Variants in FAT3 observed in about 807,000 individuals in gnomAD.
The protein encoded by FAT3 is FAT atypical cadherin 3.
A neutral mutation model predicts 310.2 loss-of-function variants in FAT3; 95 were observed. The ratio of observed to expected loss-of-function variants is 0.31; its 90% CI spans 0.26 to 0.36. The LOEUF is 0.36. FAT3 is among the 10% of genes least tolerant of loss of function. The probability of loss-of-function intolerance (pLI) is 1.00; values close to 1 mark genes in which losing one functional copy is unlikely to be tolerated. For synonymous variants in FAT3, 2,314 were observed against 2,192.9 expected, an observed-to-expected ratio of 1.06 and a Z score of -1.54; for missense variants, 5,408 against 5,715.6, an observed-to-expected ratio of 0.95 and a Z score of 1.74.
At chr11:92,366,262 A>G (rs1284663510) in intron 2 of FAT3, among the ~76,000 whole-genome samples, 1 of 152,344 alleles carries the variant, frequency 6.6e-6, no homozygotes, top group Middle Eastern at 3.4e-3. Flanking sequence ...GCTTTTTCTC[A>G]GCTTGGACTG....
chr11:92,245,480 T>A (rs1281468808), intron 1 of FAT3, among the ~76,000 whole-genome samples: 1 of 152,014 alleles, frequency 6.6e-6, no homozygotes, highest in African/African-American at 2.4e-5. Context: ...CCCCAGAACT[T>A]AAAGTATAAT....
intron 4 of FAT3, among the ~76,000 whole-genome samples, chr11:92,756,916 A>ATTTTTTT (rs34317439): frequency 1.1e-5 from 1 of 90,302 alleles, no homozygotes; most frequent in East Asian, 3.4e-4. Flanking sequence ...TTGTGGCTCC[A>ATTTTTTT]TTTTTTTTTT....
intron 5 of FAT3, among the ~76,000 whole-genome samples, chr11:92,763,252 C>T (rs972102343): frequency 2.0e-5 from 3 of 152,174 alleles, no homozygotes; most frequent in Admixed American, 6.5e-5. Flanking sequence ...TGGCCTGAGT[C>T]CCTTGATTTA....
chr11:92,822,434 C>T (rs965700380), intron 13 of FAT3, among the ~76,000 whole-genome samples: 2 of 152,174 alleles, frequency 1.3e-5, no homozygotes, highest in African/African-American at 4.8e-5. Context: ...CCATCCACCC[C>T]TGGGCATTTT....
chr11:92,610,297 C>A (rs1164783685), intron 3 of FAT3, among the ~76,000 whole-genome samples: 1 of 152,070 alleles, frequency 6.6e-6, no homozygotes, highest in African/African-American at 2.4e-5. Flanking sequence ...ACATTTATTT[C>A]TTTTTAAATT....
intron 1 of FAT3, among the ~76,000 whole-genome samples, chr11:92,310,286 G>A (rs1241772883): frequency 6.6e-6 from 1 of 152,146 alleles, no homozygotes; most frequent in African/African-American, 2.4e-5. Flanking sequence ...AGGAAAGTTA[G>A]AGACTATTTA....
At chr11:92,264,564 T>G (rs1034741628) in intron 1 of FAT3, among the ~76,000 whole-genome samples, 3 of 152,156 alleles carry the variant, frequency 2.0e-5, no homozygotes, top group African/African-American at 7.2e-5. Flanking sequence ...ATTTAAACTG[T>G]GGGGGAATCT....
intron 2 of FAT3, among the ~76,000 whole-genome samples, chr11:92,459,449 C>G (rs1014917496): frequency 6.6e-6 from 1 of 152,122 alleles, no homozygotes; most frequent in Non-Finnish European, 1.5e-5. Context: ...CTCAACGTAT[C>G]TCTGAGCCTA....
chr11:92,650,221 G>T (rs929423038), intron 3 of FAT3, among the ~76,000 whole-genome samples: 47 of 152,082 alleles, frequency 3.1e-4, no homozygotes, highest in African/African-American at 1.1e-3. Context: ...GCTCTTGAGG[G>T]TTATTTGTTC....
At chr11:92,501,974 C>CGT (rs1049527333) in intron 2 of FAT3, among the ~76,000 whole-genome samples, 3 of 151,648 alleles carry the variant, frequency 2.0e-5, no homozygotes, top group South Asian at 4.2e-4. Flanking sequence ...TGCACGCGCG[C>CGT]GTGTGTGTGT....
At chr11:92,426,569 G>T (rs531362539) in intron 2 of FAT3, among the ~76,000 whole-genome samples, 1 of 152,202 alleles carries the variant, frequency 6.6e-6, no homozygotes, top group South Asian at 2.1e-4. Flanking sequence ...GTAAGGAAGG[G>T]GTCAAGTTTC....
chr11:92,653,076 T>C (rs1426204350), intron 3 of FAT3, among the ~76,000 whole-genome samples: 1 of 152,178 alleles, frequency 6.6e-6, no homozygotes, highest in Non-Finnish European at 1.5e-5. Flanking sequence ...GGAGACTCTC[T>C]TGAACCCAGG....
intron 3 of FAT3, among the ~76,000 whole-genome samples, chr11:92,525,935 A>G (rs143611120): frequency 1.1e-3 from 160 of 152,300 alleles, no homozygotes; most frequent in African/African-American, 3.7e-3. Flanking sequence ...CATTAATATA[A>G]TGAAAGAGAA....
intron 3 of FAT3, among the ~76,000 whole-genome samples, chr11:92,545,702 G>C (rs768735469): frequency 2.0e-5 from 3 of 152,174 alleles, no homozygotes; most frequent in Non-Finnish European, 2.9e-5. Flanking sequence ...ACTCATGAGG[G>C]CATGGAAGCA....
chr11:92,336,026 A>G (rs1444472180), intron 1 of FAT3: 4 of 488,510 alleles, frequency 8.2e-6, no homozygotes, highest in Middle Eastern at 5.5e-4. Context: ...TCCACTCAGC[A>G]ACTGGTCAGT....
At chr11:92,849,675 G>T (rs1948770435) in intron 19 of FAT3, among the ~76,000 whole-genome samples, 1 of 152,214 alleles carries the variant, frequency 6.6e-6, no homozygotes, top group South Asian at 2.1e-4. Context: ...ACTTGGAGGA[G>T]TACAAGAAAG....
At chr11:92,563,660 G>A (rs970686553) in intron 3 of FAT3, among the ~76,000 whole-genome samples, 2 of 151,952 alleles carry the variant, frequency 1.3e-5, no homozygotes, top group Non-Finnish European at 2.9e-5. Flanking sequence ...ACCCTCAAAG[G>A]GAAGCCCATC....
chr11:92,512,893 C>T lies in FAT3; in HGVS notation c.3293-11741C>T, dbSNP rs1401748364. Among the ~76,000 whole-genome samples the T allele has an allele frequency of 7.2e-5, 7 of 96,910 alleles. 1 individual carries two copies. The highest frequency in any genetic ancestry group is 1.5e-4 in the Non-Finnish European group (7 of 48,208). The allele number at this position is 96,910 out of a possible 152,430, so 63.6% of individuals were successfully genotyped here. On this transcript the variant is annotated intron_variant, in intron 2 of 27. Coordinates refer to ENST00000525166, the MANE Select transcript of FAT3 (RefSeq NM_001367949.2). ...ATCCCAGCACTTTGGGAGGCCGAGG[C>T]GGGCGGATCACGAGGTCAGGAGATC...
chr11:92,284,000 A>C (rs1469986788), intron 1 of FAT3, among the ~76,000 whole-genome samples: 1 of 152,006 alleles, frequency 6.6e-6, no homozygotes, highest in African/African-American at 2.4e-5. Flanking sequence ...TTCTATATTT[A>C]TGTGTTTCTG....
Sources: gnomAD v4.1 joint callset for allele counts (sites outside exome capture counted in the v4.1 genomes callset) on GRCh38, gnomAD v4.1.1 for gene constraint, MANE v1.5 for transcripts, NCBI Gene and HGNC (gene_info 2026-07-23, HGNC 2026-07-21) for gene names.